Variants in MYO16 observed in about 807,000 individuals in gnomAD.
MYO16 encodes unconventional myosin-XVI.
Under a neutral mutation model 205.3 loss-of-function variants are expected in MYO16, and 94 were observed. The observed-to-expected ratio is 0.46, with a 90% CI of 0.39 to 0.54. The LOEUF (loss-of-function observed/expected upper bound fraction) is 0.54. Among genes scored for constraint, MYO16 ranks in the 20% least tolerant of loss-of-function variants. The pLI is 0.00. For synonymous variants in MYO16, 988 were observed against 954.0 expected (o/e 1.04, Z -0.66); for missense variants, 2,315 against 2,387.5 (o/e 0.97, Z 0.63).
chr13:109,092,416 G>T (rs1278186705), intron 27 of MYO16, among the ~76,000 whole-genome samples: 1 of 152,150 alleles, frequency 6.6e-6, no homozygotes, highest in Non-Finnish European at 1.5e-5. Flanking sequence ...AAAGAATGAG[G>T]TCATGTCGTT....
At chr13:109,067,242 A>C (rs1254201427) in intron 27 of MYO16, among the ~76,000 whole-genome samples, 1 of 152,190 alleles carries the variant, frequency 6.6e-6, no homozygotes, top group Non-Finnish European at 1.5e-5. Flanking sequence ...TTATGTAATT[A>C]ATATTTGCCA....
At chr13:108,516,144 AC>A in the MYO16 span, among the ~76,000 whole-genome samples, 2 of 150,754 alleles carry the variant, frequency 1.3e-5, no homozygotes, top group Non-Finnish European at 3.0e-5. Context: ...TGGGCGTAGG[AC>A]CCTCTGAGCC....
At chr13:108,632,182 A>G (rs554670028) in intron 1 of MYO16, among the ~76,000 whole-genome samples, 6 of 151,428 alleles carry the variant, frequency 4.0e-5, no homozygotes, top group Non-Finnish European at 8.8e-5. Context: ...GATGCGTAAG[A>G]TTTTCCCAAA....
chr13:108,619,637 G>A (rs370018624), intron 1 of MYO16, among the ~76,000 whole-genome samples: 1 of 152,170 alleles, frequency 6.6e-6, no homozygotes, highest in Non-Finnish European at 1.5e-5. Context: ...CATCAGTGCA[G>A]CTAACCTGGC....
intron 16 of MYO16, among the ~76,000 whole-genome samples, chr13:108,925,715 C>T (rs774169515): frequency 3.3e-5 from 5 of 152,140 alleles, no homozygotes; most frequent in Non-Finnish European, 5.9e-5. Context: ...ACAAACCCGT[C>T]TACGTCTCTC....
At chr13:108,860,124 A>T (rs940469868) in intron 11 of MYO16, among the ~76,000 whole-genome samples, 1 of 149,610 alleles carries the variant, frequency 6.7e-6, no homozygotes, top group Non-Finnish European at 1.5e-5. Flanking sequence ...TATTAAGTCC[A>T]GTACCCAATA....
the MYO16 span, among the ~76,000 whole-genome samples, chr13:108,562,357 A>G: frequency 6.6e-6 from 1 of 152,070 alleles, no homozygotes; most frequent in Non-Finnish European, 1.5e-5. Flanking sequence ...CAACATATGA[A>G]TTTTTTAGGG....
chr13:108,602,836 G>C (rs1878814983), intron 1 of MYO16, among the ~76,000 whole-genome samples: 1 of 152,048 alleles, frequency 6.6e-6, no homozygotes, highest in African/African-American at 2.4e-5. Flanking sequence ...TGACTAAAAA[G>C]TTTCTAATGA....
chr13:108,585,939 A>G, the MYO16 span, among the ~76,000 whole-genome samples: 1 of 117,824 alleles, frequency 8.5e-6, no homozygotes, highest in Admixed American at 1.0e-4. Context: ...ATTTATTACA[A>G]TGTTCAATCT....
At chr13:109,163,282 C>T (rs551487677) in intron 32 of MYO16, among the ~76,000 whole-genome samples, 1 of 152,104 alleles carries the variant, frequency 6.6e-6, no homozygotes, top group South Asian at 2.1e-4. Flanking sequence ...CTTGAGTGCA[C>T]CAAAGCAAGA....
intron 14 of MYO16, among the ~76,000 whole-genome samples, chr13:108,891,424 A>C (rs76113008): frequency 6.6e-6 from 1 of 152,208 alleles, no homozygotes; most frequent in Non-Finnish European, 1.5e-5. Flanking sequence ...CACTAAATGC[A>C]TATATGGAAA....
At chr13:109,000,150 G>T (rs188564114) in intron 21 of MYO16, among the ~76,000 whole-genome samples, 1 of 152,260 alleles carries the variant, frequency 6.6e-6, no homozygotes, top group Admixed American at 6.5e-5. Flanking sequence ...TAATTTTAAT[G>T]ACCAGGAAAA....
At position 109,127,859 on chromosome 13, in the gene MYO16, T is replaced by TAAAAAAAAAA. The variant is rs34317737; in HGVS notation, c.4051+319_4051+328dup. 8.3e-5 allele frequency among the ~76,000 whole-genome samples: 11 copies of TAAAAAAAAAA among 132,636 alleles called. No individual in the cohort carries two copies. The highest frequency in any genetic ancestry group is 3.1e-4 in the African/African-American group (11 of 35,420). 87.0% of individuals were successfully genotyped at this position (132,636 alleles called of 152,430 possible). On this transcript the variant is annotated intron_variant, in intron 31 of 34. Transcript: ENST00000457511. The surrounding 1 kb of genome is among the most constrained non-coding windows in gnomAD (Gnocchi z 4.2). Reference sequence around the variant, plus strand: ...ATGTAAAGGTTCACCAATGAGAAAGTAAAAAAAAAAAAAAAAAAACTGCTT... The same window carrying TAAAAAAAAAA: ...ATGTAAAGGTTCACCAATGAGAAAGTAAAAAAAAAAAAAAAAAAAAAAAAAAAAACTGCTT...
rs1555299172 is a variant in MYO16 at position 108,793,298 on chromosome 13, A to AAC, written c.617-217_617-216insCA. Among the ~76,000 whole-genome samples, 1,020 of 147,722 alleles carry AAC rather than the reference A, an allele frequency of 6.9e-3. 14 individuals carry two copies. The highest frequency in any genetic ancestry group is 0.011 in the African/African-American group (443 of 39,534). On this transcript the variant is annotated intron_variant, in intron 5 of 34. Coordinates refer to ENST00000457511, the MANE Select transcript of MYO16 (RefSeq NM_001198950.3). ...AAGACTCTGTCTCAAAAAAAAAAAA[A>AAC]AAAAAAACATAACAAGAGATAATTT...
At chr13:108,763,787 T>TTGTGTGTGTGTGTGTGTGTGTG in intron 4 of MYO16, among the ~76,000 whole-genome samples, 1 of 142,634 alleles carries the variant, frequency 7.0e-6, no homozygotes, top group African/African-American at 2.6e-5. Context: ...AGAAAAGGAG[T>TTGTGTGTGTGTGTGTGTGTGTG]TGTGTGTGTG....
At position 109,125,504 on chromosome 13, in the gene MYO16, C is replaced by A. The variant is rs1318037799; in HGVS notation, c.3782+146C>A. On this transcript the variant is annotated intron_variant, in intron 30 of 34. Transcript: ENST00000457511. The surrounding 1 kb of genome is among the most constrained non-coding windows in gnomAD (Gnocchi z 4.0). ...ATGCGTGGTTTGTTATTCGAAATGG[C>A]AGCAGTCTAAAAAGATGCTTTCCTG... The A allele has an allele frequency of 9.9e-6, 11 of 1,105,878 alleles. No homozygotes were observed. Among genetic ancestry groups the A allele is most frequent in the Non-Finnish European group, 1.3e-5 (10 of 782,854 alleles). The allele number at this position is 1,105,878 out of a possible 1,614,324, so 68.5% of individuals were successfully genotyped here.
intron 1 of MYO16, among the ~76,000 whole-genome samples, chr13:108,598,767 C>G (rs1191001356): frequency 1.3e-5 from 2 of 152,132 alleles, no homozygotes; most frequent in South Asian, 2.1e-4. Flanking sequence ...TGCAAGAAAT[C>G]CATGTGTATG....
At chr13:108,929,712 C>T (rs79095841) in intron 16 of MYO16, among the ~76,000 whole-genome samples, 80 of 152,110 alleles carry the variant, frequency 5.3e-4, no homozygotes, top group African/African-American at 1.8e-3. Context: ...CATGGGAGGA[C>T]CCGACTGCAA....
At chr13:108,667,320 G>GTTTTTTT (rs770988720) in intron 2 of MYO16, among the ~76,000 whole-genome samples, 20 of 128,532 alleles carry the variant, frequency 1.6e-4, no homozygotes, top group African/African-American at 3.5e-4. Context: ...TTTCTGTTTT[G>GTTTTTTT]TTTTTTTTTT....
Sources: gnomAD v4.1 joint callset for allele counts (sites outside exome capture counted in the v4.1 genomes callset) on GRCh38, gnomAD v4.1.1 for gene constraint, Gnocchi (gnomAD v3.1) non-coding constraint, MANE v1.5 for transcripts, NCBI Gene and HGNC (gene_info 2026-07-23, HGNC 2026-07-21) for gene names.